Variants in ANO4 observed in about 807,000 individuals in gnomAD.
The protein encoded by ANO4 is anoctamin 4.
A neutral mutation model predicts 141.9 loss-of-function variants in ANO4; 69 were observed. That is an observed-to-expected ratio of 0.49 (90% CI 0.40 to 0.59). ANO4 has a LOEUF of 0.59. ANO4 is among the 20% of genes least tolerant of loss of function. The pLI, the probability that ANO4 is intolerant of heterozygous loss-of-function variation, is 0.00. For missense variants in ANO4, 894 were observed against 1,162.2 expected (o/e 0.77, Z 3.36); for synonymous variants, 350 against 394.3 (o/e 0.89, Z 1.33).
intron 24 of ANO4, among the ~76,000 whole-genome samples, 171 bp from the exon 25 acceptor site, chr12:101,116,508 T>C (rs1480716240): frequency 6.6e-6 from 1 of 152,184 alleles, no homozygotes; most frequent in African/African-American, 2.4e-5. Context: ...TGTTCCTGAT[T>C]CAACATGCCC....
At chr12:100,759,142 G>A (rs908946342) in intron 3 of ANO4, among the ~76,000 whole-genome samples, 1 of 152,176 alleles carries the variant, frequency 6.6e-6, no homozygotes, top group African/African-American at 2.4e-5. Context: ...GATGGTAGGT[G>A]TTTTACACAG....
At chr12:100,988,324 T>C (rs958585236) in intron 8 of ANO4, among the ~76,000 whole-genome samples, 1 of 152,048 alleles carries the variant, frequency 6.6e-6, no homozygotes, top group Non-Finnish European at 1.5e-5. Flanking sequence ...CAAGAAATGA[T>C]GGCTGGATGC....
In ANO4 at chr12:101,080,885, AT is replaced by A. The variant is rs1767455364; in HGVS notation, c.1395+1611del. ...TTCTAGATATATATATATATATATT[AT>A]ATATATATATATATACATACACATA... On this transcript the variant is annotated intron_variant, in intron 15 of 27. Coordinates refer to ENST00000392977, the MANE Select transcript of ANO4 (RefSeq NM_001286615.2). Among the ~76,000 whole-genome samples the A allele has an allele frequency of 8.3e-5, 6 of 72,482 alleles. No individual in the cohort carries two copies. In the East Asian group the frequency reaches 5.4e-3, roughly 66 times the overall value. 47.6% of individuals were successfully genotyped at this position (72,482 alleles called of 152,430 possible).
chr12:101,093,271 A>G (rs1056397052), intron 17 of ANO4, among the ~76,000 whole-genome samples: 2 of 152,146 alleles, frequency 1.3e-5, no homozygotes, highest in African/African-American at 4.8e-5. Flanking sequence ...CAGATAAGAG[A>G]ATTCAAAAAT....
intron 3 of ANO4, among the ~76,000 whole-genome samples, chr12:100,789,000 G>A (rs2033959329): frequency 6.6e-6 from 1 of 152,086 alleles, no homozygotes; most frequent in Admixed American, 6.5e-5. Flanking sequence ...ACCCTGGGAT[G>A]GGAATGATCT....
chr12:100,862,895 G>GTAAGT (rs2038558983), intron 1 of ANO4, among the ~76,000 whole-genome samples: 1 of 152,190 alleles, frequency 6.6e-6, no homozygotes, highest in Non-Finnish European at 1.5e-5. Flanking sequence ...TCAGGCAGCT[G>GTAAGT]TAAGTGCTAC....
chr12:100,976,633 T>C (rs1332347914), intron 7 of ANO4, among the ~76,000 whole-genome samples: 1 of 152,238 alleles, frequency 6.6e-6, no homozygotes, highest in Non-Finnish European at 1.5e-5. Context: ...TCACTTCTAA[T>C]GGATTCCCAG....
chr12:100,847,398 ATTTC>A (rs918146460), intron 1 of ANO4, among the ~76,000 whole-genome samples: 10 of 150,104 alleles, frequency 6.7e-5, no homozygotes, highest in African/African-American at 2.0e-4. Context: ...GGTTTTCCTT[ATTTC>A]TTTCTTTTGT....
chr12:101,118,061 T>C (rs2050926142), intron 25 of ANO4, among the ~76,000 whole-genome samples: 1 of 151,778 alleles, frequency 6.6e-6, no homozygotes, highest in Non-Finnish European at 1.5e-5. Flanking sequence ...TCTGTTGGGG[T>C]CTAGTGGAGA....
intron 1 of ANO4, among the ~76,000 whole-genome samples, chr12:100,853,803 G>A (rs2038018338): frequency 6.6e-6 from 1 of 151,970 alleles, no homozygotes; most frequent in South Asian, 2.1e-4. Context: ...AATAACGCAA[G>A]GATCTAAATA....
intron 2 of ANO4, among the ~76,000 whole-genome samples, chr12:100,739,226 A>G (rs1302223553): frequency 6.6e-6 from 1 of 151,744 alleles, no homozygotes; most frequent in Admixed American, 6.6e-5. Context: ...TATTTCACTT[A>G]GCATAATATT....
intron 9 of ANO4, among the ~76,000 whole-genome samples, chr12:101,030,187 C>T (rs2046919338): frequency 6.6e-6 from 1 of 151,990 alleles, no homozygotes; most frequent in Admixed American, 6.6e-5. Flanking sequence ...ATTCTCAGTG[C>T]TACATGGCAC....
chr12:101,119,541 A>G (rs2050996469), intron 25 of ANO4, among the ~76,000 whole-genome samples: 1 of 152,198 alleles, frequency 6.6e-6, no homozygotes, highest in Admixed American at 6.5e-5. Flanking sequence ...TAGTCACACT[A>G]GAGTCTATTA....
intron 2 of ANO4, among the ~76,000 whole-genome samples, chr12:100,916,407 A>T (rs1457025014): frequency 6.6e-6 from 1 of 152,148 alleles, no homozygotes; most frequent in Non-Finnish European, 1.5e-5. Flanking sequence ...TATATTCATT[A>T]TTGTTATTCA....
intron 5 of ANO4, among the ~76,000 whole-genome samples, chr12:100,968,202 C>G (rs550758818): frequency 6.8e-4 from 104 of 152,234 alleles, no homozygotes; most frequent in African/African-American, 2.3e-3. Flanking sequence ...GATCCCACGT[C>G]AGAATTTTAG....
At chr12:100,964,427 G>C (rs1205726575) in intron 5 of ANO4, among the ~76,000 whole-genome samples, 2 of 152,056 alleles carry the variant, frequency 1.3e-5, no homozygotes, top group Non-Finnish European at 2.9e-5. Context: ...TATGTAGCTG[G>C]TCCCGTCTCT....
chr12:101,008,168 GTTCC>G (rs376877566), intron 8 of ANO4, among the ~76,000 whole-genome samples: 3 of 151,932 alleles, frequency 2.0e-5, no homozygotes, highest in Middle Eastern at 3.4e-3. Flanking sequence ...ATTCCAAAGG[GTTCC>G]TTCCTTCCTT....
rs114973263 is a variant in ANO4 at position 100,958,874 on chromosome 12, A to C, written c.457-12432A>C. 3.2e-3 allele frequency among the ~76,000 whole-genome samples: 489 copies of C among 152,282 alleles called. 5 individuals are homozygous for C. The highest frequency in any genetic ancestry group is 0.011 in the African/African-American group (474 of 41,566). ...AAAAACAAACAAACAAACAAAAAAG[A>C]AGGTGATAAATGACATGGCACAAGA... is the stretch of plus-strand genomic sequence containing the variant. On this transcript the variant is annotated intron_variant, in intron 5 of 27. Coordinates refer to ENST00000392977, the MANE Select transcript of ANO4 (RefSeq NM_001286615.2).
chr12:101,107,667 T>C (rs1003010164), intron 22 of ANO4, among the ~76,000 whole-genome samples: 3 of 152,190 alleles, frequency 2.0e-5, no homozygotes, highest in South Asian at 2.1e-4. Context: ...GGAAGTTTGC[T>C]TGGAGTCAAT....
Sources: gnomAD v4.1 joint callset for allele counts (sites outside exome capture counted in the v4.1 genomes callset) on GRCh38, gnomAD v4.1.1 for gene constraint, MANE v1.5 for transcripts, NCBI Gene and HGNC (gene_info 2026-07-23, HGNC 2026-07-21) for gene names.